The following RBFOX1 variants were observed in gnomAD, a reference collection of about 807,000 sequenced individuals.
The protein encoded by RBFOX1 is RNA binding fox-1 homolog 1.
In RBFOX1, 8 loss-of-function variants were observed where a neutral mutation model predicts 57.7. That is an observed-to-expected ratio of 0.14 (90% CI 0.08 to 0.25). RBFOX1 has a LOEUF of 0.25. Ranked by LOEUF, RBFOX1 falls within the 10% of genes least tolerant of loss-of-function variation. RBFOX1 has a pLI of 1.00. For synonymous variants in RBFOX1, 326 were observed against 222.4 expected, an observed-to-expected ratio of 1.47 and a Z score of -4.15; for missense variants, 611 against 548.5, an observed-to-expected ratio of 1.11 and a Z score of -1.14.
At chr16:5,447,747 G>A (rs942541460) in intron 1 of RBFOX1, among the ~76,000 whole-genome samples, 11 of 152,172 alleles carry the variant, frequency 7.2e-5, no homozygotes, top group Admixed American at 2.0e-4. Flanking sequence ...CTCTCAGCAC[G>A]TGATGTTATC....
At chr16:7,001,398 T>TGTATGTGTATTTGTATATGTATATGTATA (rs2092782327) in intron 3 of RBFOX1, among the ~76,000 whole-genome samples, 3 of 100,932 alleles carry the variant, frequency 3.0e-5, no homozygotes, top group African/African-American at 1.0e-4. Flanking sequence ...GTATGTGTAT[T>TGTATGTGTATTTGTATATGTATATGTATA]TGTATATGTA....
intron 4 of RBFOX1, among the ~76,000 whole-genome samples, chr16:7,236,996 A>C (rs776456390): frequency 2.0e-5 from 3 of 152,304 alleles, no homozygotes; most frequent in Non-Finnish European, 4.4e-5. Context: ...GGAAGAGGCA[A>C]GCCGTTCTTT....
chr16:7,361,713 C>A (rs1327543012), intron 4 of RBFOX1, among the ~76,000 whole-genome samples: 1 of 152,166 alleles, frequency 6.6e-6, no homozygotes, highest in Non-Finnish European at 1.5e-5. Flanking sequence ...TTCGAAGATG[C>A]TTGAGGCATG....
intron 4 of RBFOX1, among the ~76,000 whole-genome samples, chr16:7,484,381 A>G (rs1433943852): frequency 6.6e-6 from 1 of 152,214 alleles, no homozygotes; most frequent in African/African-American, 2.4e-5. Context: ...TGGTAAGTTC[A>G]GATTTAACAT....
intron 1 of RBFOX1, among the ~76,000 whole-genome samples, chr16:5,276,950 C>G (rs1344872917): frequency 2.0e-5 from 3 of 152,062 alleles, no homozygotes; most frequent in African/African-American, 4.8e-5. Context: ...AAGTATCTAC[C>G]CAGAGAAAAG....
intron 4 of RBFOX1, among the ~76,000 whole-genome samples, chr16:7,269,742 C>T (rs560994219): frequency 6.6e-6 from 1 of 152,208 alleles, no homozygotes; most frequent in African/African-American, 2.4e-5. Flanking sequence ...TCTTTGTTTA[C>T]ATTTTTGAAT....
chr16:6,866,131 T>C (rs937845596), intron 3 of RBFOX1, among the ~76,000 whole-genome samples: 2 of 152,176 alleles, frequency 1.3e-5, no homozygotes, highest in Non-Finnish European at 2.9e-5. Context: ...TCCCCAGCTC[T>C]TTTTCTATCT....
intron 3 of RBFOX1, among the ~76,000 whole-genome samples, chr16:6,821,245 G>C (rs916039577): frequency 6.6e-6 from 1 of 152,138 alleles, no homozygotes; most frequent in Non-Finnish European, 1.5e-5. Context: ...TAAATATGGT[G>C]TCTCTTTACA....
chr16:6,274,118 A>T (rs2075536477), intron 1 of RBFOX1, among the ~76,000 whole-genome samples: 1 of 152,230 alleles, frequency 6.6e-6, no homozygotes, highest in Non-Finnish European at 1.5e-5. Flanking sequence ...ATACATTCCC[A>T]TAGCCACTTT....
At chr16:5,892,805 G>A (rs1477674167) in intron 4 of RBFOX1, among the ~76,000 whole-genome samples, 2 of 152,134 alleles carry the variant, frequency 1.3e-5, no homozygotes, top group Non-Finnish European at 2.9e-5. Context: ...AGAGAGCATG[G>A]CCAAGTCAAG....
At chr16:7,709,411 A>C in intron 15 of RBFOX1, 1 of 1,293,896 alleles carries the variant, frequency 7.7e-7, no homozygotes, top group South Asian at 1.7e-5. Flanking sequence ...TTGATAATTA[A>C]ATCCATCACT....
At chr16:7,096,657 C>A (rs1451350020) in intron 4 of RBFOX1, among the ~76,000 whole-genome samples, 1 of 152,040 alleles carries the variant, frequency 6.6e-6, no homozygotes, top group African/African-American at 2.4e-5. Flanking sequence ...CTGAGTTGAG[C>A]AGGTTGGCTC....
At chr16:7,615,215 C>T (rs2058235938) in intron 10 of RBFOX1, among the ~76,000 whole-genome samples, 1 of 152,236 alleles carries the variant, frequency 6.6e-6, no homozygotes, top group East Asian at 1.9e-4. Flanking sequence ...CACCTGTAGT[C>T]CCAGCTACTG....
intron 2 of RBFOX1, among the ~76,000 whole-genome samples, chr16:6,587,996 G>A (rs181330571): frequency 5.9e-5 from 9 of 151,458 alleles, no homozygotes; most frequent in Admixed American, 3.9e-4. Flanking sequence ...TTGGGAGGCC[G>A]AGGAGAATGG....
intron 4 of RBFOX1, among the ~76,000 whole-genome samples, chr16:5,956,776 C>A (rs1435800111): frequency 1.3e-5 from 2 of 149,136 alleles, no homozygotes; most frequent in African/African-American, 4.9e-5. Flanking sequence ...CTCAGATGAT[C>A]TTTCCACCTC....
At chr16:6,657,098 C>T (rs1339199199) in intron 3 of RBFOX1, among the ~76,000 whole-genome samples, 2 of 116,236 alleles carry the variant, frequency 1.7e-5, no homozygotes, top group Admixed American at 9.7e-5. Flanking sequence ...CTCCCCTTTA[C>T]TCTCCTCTCC....
chr16:5,684,809 CTTTAGGGTT>C (rs2050453222), intron 3 of RBFOX1, among the ~76,000 whole-genome samples: 1 of 152,132 alleles, frequency 6.6e-6, no homozygotes, highest in African/African-American at 2.4e-5. Flanking sequence ...TGTATCTCTA[CTTTAGGGTT>C]GCTTGGGGGT....
intron 1 of RBFOX1, among the ~76,000 whole-genome samples, chr16:5,458,048 A>C (rs1403871098): frequency 1.3e-5 from 2 of 152,174 alleles, no homozygotes; most frequent in Non-Finnish European, 2.9e-5. Context: ...GGGCAGAAAA[A>C]AATGCTTTAA....
chr16:5,241,917 G>A (rs1339580118), intron 1 of RBFOX1, among the ~76,000 whole-genome samples: 1 of 151,758 alleles, frequency 6.6e-6, no homozygotes, highest in African/African-American at 2.4e-5. Flanking sequence ...CCTGGGCAAC[G>A]TGGTGAAGCC....
Sources: allele counts gnomAD v4.1 joint callset (sites outside exome capture counted in the v4.1 genomes callset), GRCh38; gene constraint gnomAD v4.1.1; transcripts MANE v1.5; gene names NCBI Gene and HGNC (gene_info 2026-07-23, HGNC 2026-07-21).